EPHA4: variants seen among roughly 807,000 people sequenced by gnomAD.
The protein encoded by EPHA4 is ephrin type-A receptor 4.
EPHA4 carries 19 observed loss-of-function variants against 108.3 expected under a neutral mutation model. The ratio of observed to expected loss-of-function variants is 0.18; its 90% confidence interval spans 0.12 to 0.26. The LOEUF is 0.26. Ranked by LOEUF, EPHA4 falls within the 10% of genes least tolerant of loss-of-function variation. The pLI, the probability that EPHA4 is intolerant of heterozygous loss-of-function variation, is 1.00. For synonymous variants in EPHA4, 449 were observed against 455.5 expected (o/e 0.99, Z 0.18); for missense variants, 917 against 1,254.0 (o/e 0.73, Z 4.06).
At chr2:221,489,259 G>T (rs1363634436) in intron 4 of EPHA4, among the ~76,000 whole-genome samples, 2 of 152,184 alleles carry the variant, frequency 1.3e-5, no homozygotes, top group African/African-American at 4.8e-5. Flanking sequence ...TTTTGAAATG[G>T]GTTTGGCAGA....
chr2:221,510,453 G>A (rs1346684107), intron 3 of EPHA4, among the ~76,000 whole-genome samples: 4 of 151,846 alleles, frequency 2.6e-5, no homozygotes. Flanking sequence ...TATTTTCTAC[G>A]TTCCATCTCC....
At chr2:221,567,009 G>GAAGAAGAAGAAGAAGAAGAAGAAGAAA (rs750697580) in intron 2 of EPHA4, among the ~76,000 whole-genome samples, 6 of 112,706 alleles carry the variant, frequency 5.3e-5, no homozygotes, top group East Asian at 2.7e-4. Context: ...AGAAGAAGAA[G>GAAGAAGAAGAAGAAGAAGAAGAAGAAA]AAAAAAATGT....
At chr2:221,534,313 C>A (rs1693601295) in intron 3 of EPHA4, among the ~76,000 whole-genome samples, 1 of 152,170 alleles carries the variant, frequency 6.6e-6, no homozygotes, top group African/African-American at 2.4e-5. Context: ...TTTCTCTGCT[C>A]TGTTTCTGCC....
intron 14 of EPHA4, among the ~76,000 whole-genome samples, chr2:221,433,766 C>G (rs1379657381): frequency 2.0e-5 from 3 of 152,132 alleles, no homozygotes; most frequent in East Asian, 1.9e-4. Context: ...TTTCAATAAG[C>G]CTTTCATGTC....
chr2:221,455,515 G>T, intron 8 of EPHA4, 32 bp downstream of exon 8: 1 of 1,515,672 alleles, frequency 6.6e-7, no homozygotes, highest in Non-Finnish European at 9.2e-7. Flanking sequence ...GGGAAGGTCG[G>T]GGGCTGCACA....
intron 5 of EPHA4, among the ~76,000 whole-genome samples, chr2:221,470,295 A>G (rs944592425): frequency 1.3e-5 from 2 of 151,322 alleles, no homozygotes; most frequent in Non-Finnish European, 2.9e-5. Flanking sequence ...TATAAACTAG[A>G]ATGTTACAAA....
At chr2:221,521,618 G>A (rs1253119992) in intron 3 of EPHA4, among the ~76,000 whole-genome samples, 1 of 152,112 alleles carries the variant, frequency 6.6e-6, no homozygotes, top group African/African-American at 2.4e-5. Context: ...AAAAGTTTAA[G>A]GAAGAACCTT....
intron 4 of EPHA4, among the ~76,000 whole-genome samples, chr2:221,499,339 C>T (rs902949832): frequency 2.0e-5 from 3 of 150,926 alleles, no homozygotes; most frequent in Non-Finnish European, 3.0e-5. Context: ...TCCTTAACAT[C>T]TCTGAGCTTG....
rs771609248 is a variant in EPHA4, at chr2:221,426,572, A to G, written c.2738T>C (p.Val913Ala). Residue 913 changes from valine (V) to alanine (A), a missense_variant, in exon 16 of 18, where the codon GTG (valine) becomes GCG (alanine). Physicochemically the swap from Val to Ala is moderately conservative, Grantham distance 64. Around this residue, in one of 3 missense-constraint regions of EPHA4, gnomAD observed 133 missense variants for 132.8 expected, o/e 1.00. Transcript: ENST00000281821. ...CTGGAGCCAATCGCCCACTGATACC[A>G]CAGCAGAGAATTCAGGGGAGCTTGG... Reference protein sequence around the residue: ...LDPSSPEFSAVVSVGDWLQAI... With the variant: ...LDPSSPEFSAAVSVGDWLQAI... The G allele has an allele frequency of 1.2e-6, 2 of 1,614,046 alleles. No individual in the cohort carries two copies. The highest frequency in any genetic ancestry group is 3.3e-5 in the Admixed American group (2 of 59,976).
intron 2 of EPHA4, among the ~76,000 whole-genome samples, chr2:221,566,545 A>G (rs1187796166): frequency 6.6e-6 from 1 of 152,062 alleles, no homozygotes; most frequent in African/African-American, 2.4e-5. Flanking sequence ...TGTATTTTGG[A>G]ATGACTAATT....
chr2:221,458,141 T>C (rs1162880410), intron 5 of EPHA4, 151 bp from the exon 6 acceptor site: 8 of 917,088 alleles, frequency 8.7e-6, no homozygotes, highest in Non-Finnish European at 1.3e-5. Context: ...TATAGAAGCA[T>C]ATCATTTTCA....
At chr2:221,433,195 A>G (rs918061351) in intron 14 of EPHA4, among the ~76,000 whole-genome samples, 1 of 152,174 alleles carries the variant, frequency 6.6e-6, no homozygotes, top group African/African-American at 2.4e-5. Flanking sequence ...TCTAACTGTC[A>G]AGGCTGTGCA....
chr2:221,499,712 ACT>A (rs1199141305), intron 4 of EPHA4, among the ~76,000 whole-genome samples: 1 of 110,762 alleles, frequency 9.0e-6, no homozygotes, highest in Admixed American at 1.1e-4. Context: ...GATAACTAAA[ACT>A]AATATATATA....
intron 3 of EPHA4, among the ~76,000 whole-genome samples, chr2:221,514,431 C>G (rs1692931667): frequency 6.6e-6 from 1 of 152,126 alleles, no homozygotes; most frequent in Non-Finnish European, 1.5e-5. Flanking sequence ...TGGAGCTGGT[C>G]CCAACCTCGG....
intron 5 of EPHA4, among the ~76,000 whole-genome samples, chr2:221,462,583 C>T (rs1419848467): frequency 6.6e-6 from 1 of 151,912 alleles, no homozygotes; most frequent in African/African-American, 2.4e-5. Context: ...ACATAAAGTA[C>T]CAGAAGTAAG....
intron 3 of EPHA4, among the ~76,000 whole-genome samples, chr2:221,523,329 C>T (rs1487590443): frequency 1.3e-5 from 2 of 152,018 alleles, no homozygotes; most frequent in African/African-American, 4.8e-5. Context: ...CTCTTGTTGC[C>T]CAGGCTGGAG....
chr2:221,566,125 C>T (rs555808927), intron 2 of EPHA4, among the ~76,000 whole-genome samples: 2 of 152,298 alleles, frequency 1.3e-5, no homozygotes, highest in South Asian at 2.1e-4. Context: ...GGAGCCATCA[C>T]TTTCCCTAAT....
chr2:221,572,929 G>T (rs1202316564), upstream of EPHA4: 1 of 152,346 alleles, frequency 6.6e-6, no homozygotes, highest in East Asian at 1.9e-4. Context: ...GGAGAGCGGG[G>T]ACCTACTTGG....
chr2:221,433,725 G>A (rs962191190), intron 14 of EPHA4, among the ~76,000 whole-genome samples: 31 of 152,260 alleles, frequency 2.0e-4, no homozygotes, highest in Middle Eastern at 3.4e-3. Context: ...TAATTACAAC[G>A]ATGCCAGCTT....
Sources: gnomAD v4.1 joint callset for allele counts (sites outside exome capture counted in the v4.1 genomes callset) on GRCh38, gnomAD v4.1.1 for gene constraint, gnomAD v4.1.1 regional missense constraint, MANE v1.5 for transcripts, NCBI Gene and HGNC (gene_info 2026-07-23, HGNC 2026-07-21) for gene names.